RTEL1: variants seen among roughly 807,000 people sequenced by gnomAD.
The protein encoded by RTEL1 is regulator of telomere length.
Under a neutral mutation model 162.2 loss-of-function variants are expected in RTEL1, and 86 were observed. The ratio of observed to expected loss-of-function variants is 0.53; its 90% CI spans 0.45 to 0.63. The LOEUF (loss-of-function observed/expected upper bound fraction) is 0.63. RTEL1 is among the 30% of genes least tolerant of loss of function. The pLI, the probability that RTEL1 is intolerant of heterozygous loss-of-function variation, is 0.00. For synonymous variants in RTEL1, 958 were observed against 717.9 expected (o/e 1.33, Z -5.35); for missense variants, 1,941 against 1,750.2 (o/e 1.11, Z -1.95).
intron 7 of RTEL1, among the ~76,000 whole-genome samples, chr20:63,667,039 C>T (rs778595187): frequency 2.0e-5 from 3 of 151,752 alleles, no homozygotes; most frequent in African/African-American, 4.8e-5. Flanking sequence ...CGGGGTTTCA[C>T]CGTGTTAGCC....
Position 63,695,322 on chromosome 20 carries a change from C to A in RTEL1, c.3500-6C>A. The stretch of plus-strand genomic sequence containing the variant: ...GCCCCCCTCAGACTCAAGTCTCTGT[C>A]TCCAGGCCCCTCACGGTCCGAGAAG... On this transcript the variant is annotated splice_polypyrimidine_tract_variant and splice_region_variant and intron_variant, in intron 33 of 34. Coordinates refer to ENST00000360203, the MANE Select transcript of RTEL1 (RefSeq NM_001283009.2). The A allele has an allele frequency of 6.4e-7, 1 of 1,565,728 alleles. No individual in the cohort carries two copies. Among genetic ancestry groups the A allele is most frequent in the Non-Finnish European group, 8.7e-7 (1 of 1,155,652 alleles).
intron 14 of RTEL1, 78 bp from the exon 15 acceptor site, chr20:63,685,445 T>C: frequency 2.8e-5 from 41 of 1,449,772 alleles, no homozygotes; most frequent in Non-Finnish European, 3.7e-5. Flanking sequence ...CCTGTGACCT[T>C]CTGTGTATGC....
rs1230016272 is a variant in RTEL1 at position 63,694,764 on chromosome 20, T to C, written c.3133T>C (p.Trp1045Arg). The change falls in exon 32 of 35, where the codon TGG becomes CGG. Residue 1045 changes from tryptophan (W) to arginine (R), a missense_variant. Coordinates refer to ENST00000360203, the MANE Select transcript of RTEL1 (RefSeq NM_001283009.2). ...PTGDPGSQPQ[W>R]GSGVPRAGKQ... ...AGGAGACCCTGGCAGCCAACCACAG[T>C]GGGGGTCTGGAGTGCCCAGAGCAGG... 6.2e-7 allele frequency: 1 copy of C among 1,607,570 alleles called. No individual in the cohort carries two copies. Among genetic ancestry groups the C allele is most frequent in the South Asian group, 1.1e-5 (1 of 90,940 alleles).
In RTEL1 at chr20:63,692,917, A is replaced by C; in HGVS notation, c.2765A>C (p.Tyr922Ser). The C allele has an allele frequency of 6.2e-7, 1 of 1,612,670 alleles. No homozygotes were observed. Among genetic ancestry groups the C allele is most frequent in the Non-Finnish European group, 8.5e-7 (1 of 1,179,854 alleles). Residue 922 changes from tyrosine to serine, a missense_variant, in exon 29 of 35, where the codon TAC (tyrosine) becomes TCC (serine). Coordinates refer to ENST00000360203, the MANE Select transcript of RTEL1 (RefSeq NM_001283009.2). Reference sequence around the variant, plus strand: ...ACCTTCACCCAGGCCCTGCAGGACTACAAGGGTTCCGATGACTTCGCCGCC... The same window carrying C: ...ACCTTCACCCAGGCCCTGCAGGACTCCAAGGGTTCCGATGACTTCGCCGCC... ...FATFTQALQD[Y>S]KGSDDFAALA...
chr20:63,672,522 C>T (rs1004016418), intron 8 of RTEL1, 34 bp from the exon 9 acceptor site: 2 of 1,531,728 alleles, frequency 1.3e-6, no homozygotes, highest in Non-Finnish European at 1.8e-6. Flanking sequence ...CCTCTGTGAG[C>T]TCCAGCGCTG....
intron 12 of RTEL1, 35 bp from the exon 13 acceptor site, chr20:63,679,814 C>T (rs757835901): frequency 1.1e-5 from 17 of 1,554,340 alleles, no homozygotes; most frequent in East Asian, 9.0e-5. Context: ...CTGGTCCCCC[C>T]GCCAGGCTCG....
chr20:63,689,669 GC>G, intron 23 of RTEL1, 21 bp downstream of exon 23: 1 of 1,609,016 alleles, frequency 6.2e-7, no homozygotes, highest in Non-Finnish European at 8.5e-7. Flanking sequence ...GCAGGGTGGG[GC>G]TGGGGTAAGG....
intron 24 of RTEL1, 102 bp from the exon 25 acceptor site, chr20:63,689,985 G>C: frequency 6.4e-7 from 1 of 1,558,186 alleles, no homozygotes; most frequent in Non-Finnish European, 8.7e-7. Flanking sequence ...GGCTACTCGG[G>C]GTCAGCGTGG....
intron 14 of RTEL1, among the ~76,000 whole-genome samples, chr20:63,683,478 C>T (rs563184425): frequency 1.2e-4 from 18 of 152,366 alleles, no homozygotes; most frequent in Admixed American, 3.3e-4. Context: ...TCCTTCTGTG[C>T]GTACCCAGGC....
In RTEL1 at chr20:63,687,625, C is replaced by T. The variant is rs376698655; in HGVS notation, c.1349-13C>T. On this transcript the variant is annotated splice_polypyrimidine_tract_variant and intron_variant, in intron 16 of 34. Coordinates refer to ENST00000360203, the MANE Select transcript of RTEL1 (RefSeq NM_001283009.2). ...CTCACACTCTGTGCCCTCTGCCGCC[C>T]CCCGCCCCACAGGGAAGGTGCTGAG... is the stretch of plus-strand genomic sequence containing the variant. The T allele has an allele frequency of 1.0e-3, 1,666 of 1,598,542 alleles. 3 individuals carry two copies. Among genetic ancestry groups the T allele is most frequent in the Non-Finnish European group, 1.2e-3 (1,454 of 1,173,376 alleles).
Position 63,689,103 on chromosome 20 carries a change from G to A in RTEL1, c.1849G>A (p.Ala617Thr). The A allele has an allele frequency of 1.2e-6, 2 of 1,610,292 alleles. No homozygotes were observed. The highest frequency in any genetic ancestry group is 1.1e-5 in the South Asian group (1 of 91,078). The change falls in exon 22 of 35, where the codon GCC (alanine) becomes ACC (threonine). Residue 617 changes from alanine to threonine, a missense_variant. Transcript: ENST00000360203. Reference protein sequence around the residue: ...ARVAAPGSTGATFLAVCRGKA... With the variant: ...ARVAAPGSTGTTFLAVCRGKA... ...GGTTGCCGCCCCTGGGTCCACCGGC[G>A]CCACCTTCCTGGCGGTCTGCCGGGG... is the stretch of plus-strand genomic sequence containing the variant.
chr20:63,695,778 G>T lies in RTEL1; in HGVS notation c.3823G>T (p.Ala1275Ser), dbSNP rs2090966039. Reference protein sequence around the residue: ...CQACWQRHLQASRMCPACHTA... With the variant: ...CQACWQRHLQSSRMCPACHTA... ...GTGCAGTGGGCCGGTTGTCTCACAG[G>T]CCTCTAGGATGTGCCCAGCCTGCCA... The change falls in exon 35 of 35, where the codon GCC (alanine) becomes TCC (serine). Residue 1275 changes from alanine to serine, a missense_variant and splice_region_variant. By Grantham distance (99) the Ala-to-Ser change is moderately conservative. Transcript: ENST00000360203. 1 of 1,591,220 alleles carries T rather than the reference G, an allele frequency of 6.3e-7. No homozygotes were observed. The highest frequency in any genetic ancestry group is 8.5e-7 in the Non-Finnish European group (1 of 1,169,602).
chr20:63,695,825 C>T lies in RTEL1; in HGVS notation c.3870C>T (p.Ser1290=), dbSNP rs765090741. The change falls in exon 35 of 35, where the codon AGC becomes AGT. Residue 1290 remains serine, a synonymous_variant. Coordinates refer to ENST00000360203, the MANE Select transcript of RTEL1 (RefSeq NM_001283009.2). ...PACHTASRKQ[S]VMQVFWPEPQ ...GCCACACCGCCTCCAGGAAGCAGAG[C>T]GTCATGCAGGTCTTCTGGCCAGAGC... is the stretch of plus-strand genomic sequence containing the variant. 26 of 1,599,680 alleles carry T rather than the reference C, an allele frequency of 1.6e-5. No homozygotes were observed. The highest frequency in any genetic ancestry group is 1.5e-4 in the South Asian group (13 of 88,940).
At position 63,694,904 on chromosome 20, in the gene RTEL1, C is replaced by T. The variant is rs528125869; in HGVS notation, c.3273C>T (p.Asp1091=). The change falls in exon 32 of 35, where the codon GAC becomes GAT. Residue 1091 remains aspartate, a synonymous_variant. Transcript: ENST00000360203. Reference sequence around the variant, plus strand: ...TGACAGCCTATAAGCAAGACGACGACCTCGACAAGGTGCTGGCTGTGTTGG... The same window carrying T: ...TGACAGCCTATAAGCAAGACGACGATCTCGACAAGGTGCTGGCTGTGTTGG... ...AALTAYKQDD[D]LDKVLAVLAA... is the part of the protein sequence containing the mutation. The T allele has an allele frequency of 2.6e-5, 42 of 1,612,648 alleles. 1 individual carries two copies. The highest frequency in any genetic ancestry group is 2.2e-4 in the East Asian group (10 of 44,880).
intron 7 of RTEL1, among the ~76,000 whole-genome samples, chr20:63,666,883 A>C (rs1204164116): frequency 2.4e-5 from 3 of 126,184 alleles, no homozygotes; most frequent in African/African-American, 9.4e-5. Flanking sequence ...TCTGTCGCCC[A>C]GGCTGGAGTG....
rs190557439 is a variant in RTEL1 at position 63,679,752 on chromosome 20, C to T, written c.1038-97C>T. 12 of 891,656 alleles carry T rather than the reference C, an allele frequency of 1.3e-5. No individual in the cohort carries two copies. In the East Asian group the frequency reaches 1.9e-4, roughly 14 times the overall value. 55.2% of individuals were successfully genotyped at this position (891,656 alleles called of 1,614,324 possible). A position where few individuals can be genotyped will look rare whatever the true frequency, so the allele number is the denominator to read the frequency against. ...CAGCTACATCTTTGACCAGTGTCGT[C>T]CCCCCTCAGGCCCGAGCCTGCCTTC... On this transcript the variant is annotated intron_variant, in intron 12 of 34. Coordinates refer to ENST00000360203, the MANE Select transcript of RTEL1 (RefSeq NM_001283009.2).
rs764810346 is a variant in RTEL1 at position 63,667,450 on chromosome 20, TCTC to T, written c.615-15_615-13del. The stretch of plus-strand genomic sequence containing the variant: ...CCTGCATGGGGTGCTCACAGGATCT[TCTC>T]CTCTCTCCTTCCCAGGGTGTGCCCT... On this transcript the variant is annotated splice_polypyrimidine_tract_variant and intron_variant, in intron 7 of 34. Transcript: ENST00000360203. 2.4e-5 allele frequency: 39 copies of T among 1,603,566 alleles called. No homozygotes were observed. Among genetic ancestry groups the T allele is most frequent in the Admixed American group, 5.0e-5 (3 of 59,958 alleles).
intron 5 of RTEL1, 82 bp downstream of exon 5, chr20:63,662,709 G>C (rs12480249): frequency 6.2e-7 from 1 of 1,602,284 alleles, no homozygotes; most frequent in East Asian, 2.2e-5. Context: ...CTGCGCTCCC[G>C]CTGGGCTAGG....
At position 63,695,144 on chromosome 20, in the gene RTEL1, C is replaced by T. The variant is rs201682415; in HGVS notation, c.3422C>T (p.Pro1141Leu). The change falls in exon 33 of 35, where the codon CCG becomes CTG. Residue 1141 changes from proline (P) to leucine (L), a missense_variant. Coordinates refer to ENST00000360203, the MANE Select transcript of RTEL1 (RefSeq NM_001283009.2). ...ACAGACCTGACCGGCCGGCCCTACC[C>T]GGGCATGGAGCCACCGGGACCCCAG... The part of the protein sequence containing the change: ...TCTDLTGRPY[P>L]GMEPPGPQEE... The T allele has an allele frequency of 6.3e-5, 102 of 1,612,396 alleles. No individual in the cohort carries two copies. The Admixed American group carries it at 1.4e-3, about 23-fold the overall frequency.
Sources: gnomAD v4.1 joint callset for allele counts (sites outside exome capture counted in the v4.1 genomes callset) on GRCh38, gnomAD v4.1.1 for gene constraint, MANE v1.5 for transcripts, NCBI Gene and HGNC (gene_info 2026-07-23, HGNC 2026-07-21) for gene names.